RFX1: variants seen among roughly 807,000 people sequenced by gnomAD.
The protein encoded by RFX1 is regulatory factor X1, also known as MHC class II regulatory factor RFX1.
A neutral mutation model predicts 119.6 loss-of-function variants in RFX1; 42 were observed. That is an observed-to-expected ratio of 0.35 (90% confidence interval 0.27 to 0.45). The LOEUF (loss-of-function observed/expected upper bound fraction) is 0.45, where lower values mean the gene tolerates loss of function less well. RFX1 is among the 20% of genes least tolerant of loss of function. The pLI is 1.00. For synonymous variants in RFX1, 628 were observed against 618.5 expected, an observed-to-expected ratio of 1.02 and a Z score of -0.23; for missense variants, 1,118 against 1,368.1, an observed-to-expected ratio of 0.82 and a Z score of 2.88.
Position 13,980,731 on chromosome 19 carries a change from T to TGCATCCTCTCTGGGTTGGGCTC in RFX1, c.622-43_622-42insGAGCCCAACCCAGAGAGGATGC. 2 of 1,201,552 alleles carry TGCATCCTCTCTGGGTTGGGCTC rather than the reference T, an allele frequency of 1.7e-6. No homozygotes were observed. Among genetic ancestry groups the TGCATCCTCTCTGGGTTGGGCTC allele is most frequent in the Non-Finnish European group, 2.4e-6 (2 of 842,374 alleles). The allele number at this position is 1,201,552 out of a possible 1,614,324, so 74.4% of individuals were successfully genotyped here. A position where few individuals can be genotyped will look rare whatever the true frequency, so the allele number is the denominator to read the frequency against. ...CACAGGAGTGCCGCTGGGGTGGGCT[T>TGCATCCTCTCTGGGTTGGGCTC]GCATCCTCTCTGAGGTGGGCTCACA... On this transcript the variant is annotated intron_variant, in intron 5 of 20. Transcript: ENST00000254325. This position sits in a 1 kb window ranked among gnomAD's most constrained non-coding sequence, Gnocchi z 5.1.
chr19:13,979,620 T>C (rs981972381), intron 6 of RFX1, 78 bp from the exon 7 acceptor site: 4 of 1,002,688 alleles, frequency 4.0e-6, no homozygotes, highest in Admixed American at 4.6e-5. Flanking sequence ...ACAGGTGAGC[T>C]TCTGTAAAGC....
intron 2 of RFX1, among the ~76,000 whole-genome samples, chr19:13,991,453 G>C (rs181525437): frequency 1.3e-5 from 2 of 152,058 alleles, no homozygotes; most frequent in East Asian, 1.9e-4. Context: ...CTACACAGGC[G>C]GGGGGGCACT....
intron 8 of RFX1, among the ~76,000 whole-genome samples, chr19:13,973,985 T>G (rs1428479604): frequency 6.6e-6 from 1 of 151,408 alleles, no homozygotes; most frequent in African/African-American, 2.4e-5. Context: ...TTAGGGAACT[T>G]GGAATGCTAC....
In RFX1 at chr19:13,968,994, T is replaced by C. The variant is rs901097492; in HGVS notation, c.1497-100A>G. ...ACCCGTCTCCTCTCTGTTAGGAGAA[T>C]GGATAGAGAGACGCCTGCCCTGCAG... On this transcript the variant is annotated intron_variant, in intron 10 of 20. Transcript: ENST00000254325. The surrounding 1 kb of genome is among the most constrained non-coding windows in gnomAD (Gnocchi z 5.5). The C allele has an allele frequency of 4.8e-5, 64 of 1,335,790 alleles. No homozygotes were observed. Among genetic ancestry groups the C allele is most frequent in the Middle Eastern group, 5.2e-4 (2 of 3,836 alleles). 82.7% of individuals were successfully genotyped at this position (1,335,790 alleles called of 1,614,324 possible). A position where few individuals can be genotyped will look rare whatever the true frequency, so the allele number is the denominator to read the frequency against.
Position 13,966,287 on chromosome 19 carries a change from C to A in RFX1, c.1961+134G>T. On this transcript the variant is annotated intron_variant, in intron 14 of 20. Coordinates refer to ENST00000254325, the MANE Select transcript of RFX1 (RefSeq NM_002918.5). The surrounding 1 kb of genome is among the most constrained non-coding windows in gnomAD (Gnocchi z 6.3). ...TGAGTGTCGGGTGGCTATACACACTCCACACAGCCAAGGATATGTGTACCC... is the reference window on the plus strand; with the variant it reads ...TGAGTGTCGGGTGGCTATACACACTACACACAGCCAAGGATATGTGTACCC... The A allele has an allele frequency of 1.6e-6, 1 of 617,824 alleles. No individual in the cohort carries two copies. Among genetic ancestry groups the A allele is most frequent in the South Asian group, 1.9e-5 (1 of 52,852 alleles). 38.3% of individuals were successfully genotyped at this position (617,824 alleles called of 1,614,324 possible).
chr19:13,979,121 C>A (rs1397978839), intron 7 of RFX1, among the ~76,000 whole-genome samples: 1 of 152,010 alleles, frequency 6.6e-6, no homozygotes, highest in South Asian at 2.1e-4. Context: ...ACGGGGGCGG[C>A]CGCGGGCGGG....
chr19:13,978,184 C>T, intron 7 of RFX1, 98 bp from the exon 8 acceptor site: 3 of 837,584 alleles, frequency 3.6e-6, no homozygotes, highest in Non-Finnish European at 5.7e-6. Flanking sequence ...TCCCTGACGC[C>T]CAGCTCCCGG....
chr19:13,990,078 T>G lies in RFX1; in HGVS notation c.319+3447A>C, dbSNP rs1974749996. Among the ~76,000 whole-genome samples, 1 of 152,026 alleles carries G rather than the reference T, an allele frequency of 6.6e-6. No homozygotes were observed. The highest frequency in any genetic ancestry group is 2.1e-4 in the South Asian group (1 of 4,808). On this transcript the variant is annotated intron_variant, in intron 2 of 20. Transcript: ENST00000254325. This position sits in a 1 kb window ranked among gnomAD's most constrained non-coding sequence, Gnocchi z 4.1. ...TCAGGAGGGGCTGGATGTGGGGTCC[T>G]GCGGTTCAGGGTTGCAGCCCAGGCT...
rs1432249521 is a variant in RFX1, at chr19:13,979,515, C to T, written c.766G>A (p.Ala256Thr). ...ERSVVQATPQ[A>T]PKPGPVQPLT... is the part of the protein sequence containing the mutation. ...GGCTGCACCGGGCCGGGTTTGGGCG[C>T]TTGTGGAGTGGCCTGGACCACAGAT... Residue 256 changes from alanine (A) to threonine (T), a missense_variant, in exon 7 of 21, where the codon GCG (alanine) becomes ACG (threonine). Transcript: ENST00000254325. 2 of 1,604,010 alleles carry T rather than the reference C, an allele frequency of 1.2e-6. No homozygotes were observed. Among genetic ancestry groups the T allele is most frequent in the African/African-American group, 1.3e-5 (1 of 74,538 alleles).
intron 1 of RFX1, among the ~76,000 whole-genome samples, chr19:13,994,929 T>A (rs553212385): frequency 5.1e-5 from 6 of 116,530 alleles, no homozygotes; most frequent in African/African-American, 1.6e-4. Flanking sequence ...TATATATATA[T>A]ATATATATAA....
At position 13,983,531 on chromosome 19, in the gene RFX1, G is replaced by A. The variant is rs747442060; in HGVS notation, c.384C>T (p.Thr128=). Residue 128 remains threonine, a synonymous_variant, in exon 3 of 21, where the codon ACC becomes ACT. Transcript: ENST00000254325. The part of the protein sequence containing the change: ...EASPGSTASQ[T]GVPTQVVQQV... Reference sequence around the variant, plus strand: ...GCTGAACCACCTGAGTAGGAACGCCGGTCTGGCTGGCGGTGGAGCCGGGGC... The same window carrying A: ...GCTGAACCACCTGAGTAGGAACGCCAGTCTGGCTGGCGGTGGAGCCGGGGC... The A allele has an allele frequency of 4.6e-5, 74 of 1,611,630 alleles. No homozygotes were observed. The highest frequency in any genetic ancestry group is 6.1e-5 in the Non-Finnish European group (72 of 1,179,628).
At position 13,966,624 on chromosome 19, in the gene RFX1, C is replaced by T; in HGVS notation, c.1851+9G>A. 1.3e-6 allele frequency: 2 copies of T among 1,575,434 alleles called. No individual in the cohort carries two copies. Among genetic ancestry groups the T allele is most frequent in the Admixed American group, 1.8e-5 (1 of 55,914 alleles). Reference sequence around the variant, plus strand: ...CCCGTCCACTTGCCTGCCCACCTGGCCACCCTACCTCACAGTGTTCCCGGT... The same window carrying T: ...CCCGTCCACTTGCCTGCCCACCTGGTCACCCTACCTCACAGTGTTCCCGGT... On this transcript the variant is annotated intron_variant, in intron 13 of 20. Coordinates refer to ENST00000254325, the MANE Select transcript of RFX1 (RefSeq NM_002918.5). The surrounding 1 kb of genome is among the most constrained non-coding windows in gnomAD (Gnocchi z 6.3).
chr19:13,962,994 C>A lies in RFX1; in HGVS notation c.2770G>T (p.Asp924Tyr), dbSNP rs1464907286. Residue 924 changes from aspartate (D) to tyrosine (Y), a missense_variant and splice_region_variant, in exon 20 of 21, where the codon GAC (aspartate) becomes TAC (tyrosine). Physicochemically the swap from Asp to Tyr is radical, Grantham distance 160. Around this residue, in one of 5 missense-constraint regions of RFX1, gnomAD observed 138 missense variants for 117.8 expected, o/e 1.17. Coordinates refer to ENST00000254325, the MANE Select transcript of RFX1 (RefSeq NM_002918.5). ...TSLNPLDPDK[D>Y]EEEEEEEESE... ...CTGGGTGGGAACACGCCTCGCCTACCTTTGTCGGGGTCCAGGGGGTTCAGG... is the reference window on the plus strand; with the variant it reads ...CTGGGTGGGAACACGCCTCGCCTACATTTGTCGGGGTCCAGGGGGTTCAGG... The A allele has an allele frequency of 1.9e-6, 3 of 1,550,910 alleles. No individual in the cohort carries two copies. Among genetic ancestry groups the A allele is most frequent in the Non-Finnish European group, 2.6e-6 (3 of 1,146,820 alleles).
intron 2 of RFX1, among the ~76,000 whole-genome samples, chr19:13,991,019 T>A (rs1974782846): frequency 6.6e-6 from 1 of 152,140 alleles, no homozygotes; most frequent in Non-Finnish European, 1.5e-5. Context: ...TGGGTGCTGT[T>A]CCACCTTGAT....
chr19:14,003,119 AC>A (rs879438014), intron 1 of RFX1, among the ~76,000 whole-genome samples: 67 of 152,286 alleles, frequency 4.4e-4, no homozygotes, highest in Non-Finnish European at 9.3e-4. Flanking sequence ...AATAGCTGGG[AC>A]TACTACAGTC....
At position 13,966,491 on chromosome 19, in the gene RFX1, C is replaced by T; in HGVS notation, c.1891G>A (p.Val631Met). ...CAGAAGGTCTTCCACAGCGTCTCCA[C>T]CAGGGTGAACTGCAGGTTCACCATG... Reference protein sequence around the residue: ...DVMVNLQFTLVETLWKTFWRY... With the variant: ...DVMVNLQFTLMETLWKTFWRY... Residue 631 changes from valine (V) to methionine (M), a missense_variant, in exon 14 of 21, where the codon GTG becomes ATG. Physicochemically the swap from Val to Met is conservative, Grantham distance 21. Coordinates refer to ENST00000254325, the MANE Select transcript of RFX1 (RefSeq NM_002918.5). This position sits in a 1 kb window ranked among gnomAD's most constrained non-coding sequence, Gnocchi z 6.3. 1 of 1,593,900 alleles carries T rather than the reference C, an allele frequency of 6.3e-7. No individual in the cohort carries two copies. The highest frequency in any genetic ancestry group is 8.6e-7 in the Non-Finnish European group (1 of 1,169,326).
rs376882269 is a variant in RFX1 at position 13,993,863 on chromosome 19, A to G, written c.-20T>C. The G allele has an allele frequency of 1.3e-5, 20 of 1,500,674 alleles. No homozygotes were observed. Among genetic ancestry groups the G allele is most frequent in the Admixed American group, 4.8e-5 (2 of 41,782 alleles). 93.0% of individuals were successfully genotyped at this position (1,500,674 alleles called of 1,614,324 possible). Reference sequence around the variant, plus strand: ...TGCCATGCCAACGGTGGGGAAAATGATAATAAATAAGGCTTTTTTTTTTTT... The same window carrying G: ...TGCCATGCCAACGGTGGGGAAAATGGTAATAAATAAGGCTTTTTTTTTTTT... On this transcript the variant is annotated 5_prime_UTR_variant, in exon 2 of 21. Transcript: ENST00000254325.
chr19:13,994,041 T>C, intron 1 of RFX1, 146 bp from the exon 2 acceptor site: 3 of 572,176 alleles, frequency 5.2e-6, no homozygotes, highest in South Asian at 4.7e-5. Flanking sequence ...CTTAATTAAA[T>C]CCCCAGGCTG....
intron 5 of RFX1, among the ~76,000 whole-genome samples, chr19:13,981,863 C>A (rs1365630413): frequency 6.6e-6 from 1 of 152,228 alleles, no homozygotes; most frequent in East Asian, 1.9e-4. Context: ...CATCTCAACC[C>A]AGGAAATCAC....
Sources: gnomAD v4.1 joint callset for allele counts (sites outside exome capture counted in the v4.1 genomes callset) on GRCh38, gnomAD v4.1.1 for gene constraint, gnomAD v4.1.1 regional missense constraint, Gnocchi (gnomAD v3.1) non-coding constraint, MANE v1.5 for transcripts, NCBI Gene and HGNC (gene_info 2026-07-23, HGNC 2026-07-21) for gene names.